Variants in SLC2A8 observed in about 807,000 individuals in gnomAD.
SLC2A8 encodes the protein solute carrier family 2, facilitated glucose transporter member 8.
A neutral mutation model predicts 49.2 loss-of-function variants in SLC2A8; 53 were observed. That is an observed-to-expected ratio of 1.08 (90% CI 0.86 to 1.35). The LOEUF (loss-of-function observed/expected upper bound fraction) is 1.35. Among genes scored for constraint, SLC2A8 ranks in the 40% most tolerant of loss-of-function variants. SLC2A8 has a pLI of 0.00. For missense variants in SLC2A8, 688 were observed against 671.7 expected, an observed-to-expected ratio of 1.02 and a Z score of -0.27; for synonymous variants, 299 against 297.0, an observed-to-expected ratio of 1.01 and a Z score of -0.07.
Position 127,402,561 on chromosome 9 carries a change from G to A in SLC2A8, c.531G>A (p.Trp177Ter). The A allele has an allele frequency of 6.5e-7, 1 of 1,548,116 alleles. No individual in the cohort carries two copies. Among genetic ancestry groups the A allele is most frequent in the Non-Finnish European group, 8.7e-7 (1 of 1,148,804 alleles). ...TCCTCCACCCACCCCCCGCAGGCTG[G>A]GTGCTGGAGTGGCGCTGGCTGGCTG... ...VGILLAYLAG[W>*]VLEWRWLAVL... is the part of the protein sequence containing the mutation. Residue 177 changes from tryptophan (W) to a stop codon, truncating the protein, a stop_gained, in exon 5 of 10, where the codon TGG becomes TGA. Transcript: ENST00000373371. LOFTEE classifies it high-confidence loss of function.
intron 9 of SLC2A8, among the ~76,000 whole-genome samples, chr9:127,406,632 T>G (rs1199845424): frequency 6.6e-6 from 1 of 152,116 alleles, no homozygotes; most frequent in Non-Finnish European, 1.5e-5. Context: ...ACAGTGGTGG[T>G]GGATGGCAGG....
Position 127,405,410 on chromosome 9 carries a change from G to T in SLC2A8, c.1151-10G>T, listed in dbSNP as rs377670886. The T allele has an allele frequency of 1.9e-6, 3 of 1,611,790 alleles. No individual in the cohort carries two copies. Among genetic ancestry groups the T allele is most frequent in the Middle Eastern group, 1.7e-4 (1 of 6,026 alleles). On this transcript the variant is annotated splice_polypyrimidine_tract_variant and intron_variant, in intron 8 of 9. Transcript: ENST00000373371. ...CCCTGATGCCTGTCTTGCCTGTCTC[G>T]CTCCCACAGGCTTTGCGGTGGGCTG...
chr9:127,402,867 C>A, intron 5 of SLC2A8, 114 bp downstream of exon 5: 3 of 1,251,730 alleles, frequency 2.4e-6, no homozygotes, highest in Non-Finnish European at 2.1e-6. Flanking sequence ...GGTGCCTATC[C>A]ACCCTCCACC....
At chr9:127,403,873 G>A in intron 6 of SLC2A8, 70 bp downstream of exon 6, 1 of 1,601,370 alleles carries the variant, frequency 6.2e-7, no homozygotes, top group Non-Finnish European at 8.5e-7. Context: ...CAAGCCCAGG[G>A]CCCAGCCATC....
chr9:127,398,364 A>G (rs754954914), intron 3 of SLC2A8: 1 of 767,020 alleles, frequency 1.3e-6, no homozygotes, highest in Non-Finnish European at 2.4e-6. Flanking sequence ...CGAGGTCCAC[A>G]GCTAGTCAGA....
Position 127,404,966 on chromosome 9 carries a change from G to C in SLC2A8, c.1125G>C (p.Val375=). The C allele has an allele frequency of 6.2e-7, 1 of 1,608,026 alleles. No homozygotes were observed. The highest frequency in any genetic ancestry group is 2.2e-5 in the East Asian group (1 of 44,770). Residue 375 remains valine (V), a synonymous_variant, in exon 8 of 10, where the codon GTG becomes GTC. Coordinates refer to ENST00000373371, the MANE Select transcript of SLC2A8 (RefSeq NM_014580.5). ...DASVGLAWLA[V]GSMCLFIAGF... ...GCGTGGGGCTGGCCTGGCTGGCCGT[G>C]GGCAGCATGTGCCTCTTCATCGCCG... is the stretch of plus-strand genomic sequence containing the variant.
At position 127,399,875 on chromosome 9, in the gene SLC2A8, C is replaced by T; in HGVS notation, c.427-32C>T. 10 of 1,597,226 alleles carry T rather than the reference C, an allele frequency of 6.3e-6. No individual in the cohort carries two copies. Among genetic ancestry groups the T allele is most frequent in the Non-Finnish European group, 7.7e-6 (9 of 1,165,798 alleles). ...GGATTGCAGGCATGAGCCACTGCGC[C>T]CAGCCATAAATCCTCATCTGATTGC... On this transcript the variant is annotated intron_variant, in intron 3 of 9. Transcript: ENST00000373371. The surrounding 1 kb of genome is among the most constrained non-coding windows in gnomAD (Gnocchi z 4.2).
At chr9:127,400,045 A>G in intron 4 of SLC2A8, 39 bp downstream of exon 4, 1 of 1,573,640 alleles carries the variant, frequency 6.4e-7, no homozygotes, top group Non-Finnish European at 8.7e-7. Flanking sequence ...GTTTGTGGTC[A>G]TGTGGCCATT....
In SLC2A8 at chr9:127,397,236, G is replaced by T. The variant is rs1382181062; in HGVS notation, c.6G>T (p.Thr2=). Residue 2 remains threonine (T), a synonymous_variant, in exon 1 of 10, where the codon ACG becomes ACT. Transcript: ENST00000373371. ...GATCGGCGTTGGCCGCCGACATGAC[G>T]CCCGAGGACCCAGAGGAAACCCAGC... The part of the protein sequence containing the change: M[T]PEDPEETQPL... 6.9e-7 allele frequency: 1 copy of T among 1,455,768 alleles called. No individual in the cohort carries two copies. The highest frequency in any genetic ancestry group is 1.3e-5 in the South Asian group (1 of 74,742). The allele number at this position is 1,455,768 out of a possible 1,614,324, so 90.2% of individuals were successfully genotyped here.
Position 127,407,733 on chromosome 9 carries a change from G to GATCT in SLC2A8, c.*485_*486insTCTA. 4.6e-6 allele frequency: 1 copy of GATCT among 217,640 alleles called. No homozygotes were observed. Among genetic ancestry groups the GATCT allele is most frequent in the Non-Finnish European group, 9.6e-6 (1 of 104,314 alleles). 13.5% of individuals were successfully genotyped at this position (217,640 alleles called of 1,614,324 possible). ...AGGGTTTATTCCCATCACTGCCCAG[G>GATCT]ACACCCTGTGGCTTTACTTGCTCAT... On this transcript the variant is annotated 3_prime_UTR_variant, in exon 10 of 10. Coordinates refer to ENST00000373371, the MANE Select transcript of SLC2A8 (RefSeq NM_014580.5).
At chr9:127,404,406 T>C (rs929752151) in intron 7 of SLC2A8, 1 of 323,616 alleles carries the variant, frequency 3.1e-6, no homozygotes, top group Non-Finnish European at 5.7e-6. Flanking sequence ...AGCCTCAGTC[T>C]CCCCCTCTGG....
intron 8 of SLC2A8, 131 bp from the exon 9 acceptor site, chr9:127,405,289 G>A (rs1833450556): frequency 9.3e-7 from 1 of 1,071,188 alleles, no homozygotes; most frequent in Admixed American, 2.5e-5. Flanking sequence ...CATGGAGCTG[G>A]TGGGACCACA....
intron 4 of SLC2A8, among the ~76,000 whole-genome samples, chr9:127,400,758 T>G (rs936978183): frequency 6.6e-6 from 1 of 152,102 alleles, no homozygotes; most frequent in African/African-American, 2.4e-5. Flanking sequence ...TGGGCCAGCA[T>G]GAAGAAACTT....
rs1188697098 is a variant in SLC2A8, at chr9:127,407,220, C to T, written c.1405C>T (p.Gln469Ter). ...TGAAACTAAAGGAAAGACTCTGGAA[C>T]AAATCACAGCCCATTTTGAGGGGCG... ...VPETKGKTLE[Q>*]ITAHFEGR is the part of the protein sequence containing the mutation. The change falls in exon 10 of 10, where the codon CAA becomes TAA. Residue 469 changes from glutamine (Q) to a stop codon, truncating the protein, a stop_gained. Coordinates refer to ENST00000373371, the MANE Select transcript of SLC2A8 (RefSeq NM_014580.5). LOFTEE classifies it high-confidence loss of function. 2 of 1,613,386 alleles carry T rather than the reference C, an allele frequency of 1.2e-6. No individual in the cohort carries two copies. The highest frequency in any genetic ancestry group is 1.7e-6 in the Non-Finnish European group (2 of 1,180,012).
rs1351260248 is a variant in SLC2A8 at position 127,403,800 on chromosome 9, CA to C, written c.866del (p.Lys289ArgfsTer54). ...AETIFEEAKF[K>X]DSSLASVVVG... ...AGACCATCTTTGAAGAGGCCAAGTT[CA>C]AGGTAAAAGGGCCCTGCCTGGCCTG... is the stretch of plus-strand genomic sequence containing the variant. On this transcript the variant is annotated frameshift_variant and splice_region_variant, in exon 6 of 10. Coordinates refer to ENST00000373371, the MANE Select transcript of SLC2A8 (RefSeq NM_014580.5). LOFTEE classifies it high-confidence loss of function. 6.2e-7 allele frequency: 1 copy of C among 1,612,410 alleles called. No homozygotes were observed. Among genetic ancestry groups the C allele is most frequent in the Non-Finnish European group, 8.5e-7 (1 of 1,179,592 alleles).
At chr9:127,404,669 G>C (rs2131906928) in intron 7 of SLC2A8, 149 bp from the exon 8 acceptor site, 1 of 904,366 alleles carries the variant, frequency 1.1e-6, no homozygotes, top group Non-Finnish European at 1.6e-6. Context: ...CTGCCACCCA[G>C]TCAGGGCTTC....
At position 127,399,157 on chromosome 9, in the gene SLC2A8, G is replaced by A. The variant is rs78493504; in HGVS notation, c.427-750G>A. On this transcript the variant is annotated intron_variant, in intron 3 of 9. Coordinates refer to ENST00000373371, the MANE Select transcript of SLC2A8 (RefSeq NM_014580.5). This position sits in a 1 kb window ranked among gnomAD's most constrained non-coding sequence, Gnocchi z 4.2. ...TGGTAGTGACCGAGGCAGAGAGTTC[G>A]TGCTTCTAGTCCAAGGCCACCACTC... Among the ~76,000 whole-genome samples, 435 of 152,300 alleles carry A rather than the reference G, an allele frequency of 2.9e-3. 5 individuals are homozygous for A. In the East Asian group the frequency reaches 0.054, roughly 19 times the overall value.
chr9:127,407,393 G>A lies in SLC2A8; in HGVS notation c.*144G>A, dbSNP rs1228915095. Reference sequence around the variant, plus strand: ...CCTCCTTCCTGTCATGCTCCCTCCAGCCCATGACCCGGGGCTAGGAGGCTC... The same window carrying A: ...CCTCCTTCCTGTCATGCTCCCTCCAACCCATGACCCGGGGCTAGGAGGCTC... On this transcript the variant is annotated 3_prime_UTR_variant, in exon 10 of 10. Coordinates refer to ENST00000373371, the MANE Select transcript of SLC2A8 (RefSeq NM_014580.5). 9.5e-7 allele frequency: 1 copy of A among 1,057,554 alleles called. No individual in the cohort carries two copies. Among genetic ancestry groups the A allele is most frequent in the East Asian group, 2.5e-5 (1 of 40,114 alleles). The allele number at this position is 1,057,554 out of a possible 1,614,324, so 65.5% of individuals were successfully genotyped here. A position where few individuals can be genotyped will look rare whatever the true frequency, so the allele number is the denominator to read the frequency against.
At position 127,402,553 on chromosome 9, in the gene SLC2A8, G is replaced by T. The variant is rs367559330; in HGVS notation, c.527-4G>T. 1 of 1,528,078 alleles carries T rather than the reference G, an allele frequency of 6.5e-7. No homozygotes were observed. Among genetic ancestry groups the T allele is most frequent in the African/African-American group, 1.4e-5 (1 of 73,044 alleles). 94.7% of individuals were successfully genotyped at this position (1,528,078 alleles called of 1,614,324 possible). Reference sequence around the variant, plus strand: ...CGCCAGCCTCCTCCACCCACCCCCCGCAGGCTGGGTGCTGGAGTGGCGCTG... The same window carrying T: ...CGCCAGCCTCCTCCACCCACCCCCCTCAGGCTGGGTGCTGGAGTGGCGCTG... On this transcript the variant is annotated splice_region_variant and splice_polypyrimidine_tract_variant and intron_variant, in intron 4 of 9. Transcript: ENST00000373371.
Sources: gnomAD v4.1 joint callset for allele counts (sites outside exome capture counted in the v4.1 genomes callset) on GRCh38, gnomAD v4.1.1 for gene constraint, Gnocchi (gnomAD v3.1) non-coding constraint, MANE v1.5 for transcripts, NCBI Gene and HGNC (gene_info 2026-07-23, HGNC 2026-07-21) for gene names.